NRG3: variants seen among roughly 807,000 people sequenced by gnomAD.
The protein encoded by NRG3 is neuregulin 3.
NRG3 carries 31 observed loss-of-function variants against 66.9 expected under a neutral mutation model. The ratio of observed to expected loss-of-function variants is 0.46; its 90% CI spans 0.35 to 0.63. NRG3 has a LOEUF of 0.63. NRG3 is among the 20% of genes least tolerant of loss of function. The pLI is 0.00. For missense variants in NRG3, 910 were observed against 878.9 expected (o/e 1.04, Z -0.45); for synonymous variants, 393 against 359.4 (o/e 1.09, Z -1.06).
intron 2 of NRG3, among the ~76,000 whole-genome samples, chr10:82,396,815 G>A (rs2086743745): frequency 6.6e-6 from 1 of 152,156 alleles, no homozygotes; most frequent in Non-Finnish European, 1.5e-5. Flanking sequence ...GTGTGTGTGT[G>A]TGCATGTGGT....
chr10:82,642,736 A>C lies in NRG3; in HGVS notation c.954-95841A>C, dbSNP rs368133413. On this transcript the variant is annotated intron_variant, in intron 2 of 8. Transcript: ENST00000372141. ...CAAACAATTGTGAAATGTGAATCTT[A>C]TTTATATTTTAATTTAAACAAAAAG... is the stretch of plus-strand genomic sequence containing the variant. Among the ~76,000 whole-genome samples the C allele has an allele frequency of 2.3e-4, 35 of 152,198 alleles. 2 individuals carry two copies. The highest frequency in any genetic ancestry group is 2.1e-3 in the East Asian group (11 of 5,184).
intron 2 of NRG3, among the ~76,000 whole-genome samples, chr10:82,662,969 G>A (rs2052481730): frequency 6.6e-6 from 1 of 152,092 alleles, no homozygotes; most frequent in African/African-American, 2.4e-5. Flanking sequence ...AAGACAACAT[G>A]GGGTAAAAAG....
chr10:82,526,037 C>T (rs1846660184), intron 2 of NRG3, among the ~76,000 whole-genome samples: 1 of 151,858 alleles, frequency 6.6e-6, no homozygotes, highest in Non-Finnish European at 1.5e-5. Context: ...TAAAACTATG[C>T]AGTAAATTTA....
intron 1 of NRG3, among the ~76,000 whole-genome samples, chr10:82,145,014 TG>T (rs2070142222): frequency 6.6e-6 from 1 of 152,218 alleles, no homozygotes; most frequent in South Asian, 2.1e-4. Flanking sequence ...CCTGTACACA[TG>T]GGGCAGCCAC....
At chr10:82,847,923 G>T (rs532105370) in intron 3 of NRG3, among the ~76,000 whole-genome samples, 11 of 152,232 alleles carry the variant, frequency 7.2e-5, no homozygotes, top group African/African-American at 2.6e-4. Flanking sequence ...GTAAATATTT[G>T]CTAACTTTAA....
intron 4 of NRG3, among the ~76,000 whole-genome samples, chr10:82,872,895 G>T (rs1405912084): frequency 6.6e-6 from 1 of 152,070 alleles, no homozygotes. Context: ...ATTAAAGCAA[G>T]ACTTGCTATT....
intron 2 of NRG3, among the ~76,000 whole-genome samples, chr10:82,408,089 A>AC (rs1564888139): frequency 3.2e-3 from 174 of 54,764 alleles, no homozygotes; most frequent in African/African-American, 4.5e-3. Flanking sequence ...GAGAGACAGA[A>AC]AGAAAGAAAG....
chr10:82,745,419 A>C (rs1372992175), intron 3 of NRG3, among the ~76,000 whole-genome samples: 1 of 152,204 alleles, frequency 6.6e-6, no homozygotes, highest in Non-Finnish European at 1.5e-5. Flanking sequence ...TACAGATGAA[A>C]GAATGTATCT....
At chr10:82,490,232 T>A (rs1252895078) in intron 2 of NRG3, among the ~76,000 whole-genome samples, 2 of 152,296 alleles carry the variant, frequency 1.3e-5, no homozygotes, top group East Asian at 3.9e-4. Context: ...GGTTGGCAGT[T>A]CCTCTACTTC....
chr10:82,956,461 G>T (rs1227328307), intron 5 of NRG3, among the ~76,000 whole-genome samples: 7 of 151,900 alleles, frequency 4.6e-5, no homozygotes, highest in Non-Finnish European at 1.5e-5. Flanking sequence ...GCAGAGGCAG[G>T]CTCAGAATGG....
At chr10:82,957,404 C>T (rs908417282) in intron 5 of NRG3, among the ~76,000 whole-genome samples, 23 of 151,790 alleles carry the variant, frequency 1.5e-4, no homozygotes, top group African/African-American at 4.6e-4. Flanking sequence ...GCTCCACTGA[C>T]GGCACTATCT....
chr10:82,912,121 G>T (rs1384399380), intron 4 of NRG3, among the ~76,000 whole-genome samples: 1 of 152,086 alleles, frequency 6.6e-6, no homozygotes, highest in Non-Finnish European at 1.5e-5. Flanking sequence ...ATGTGAAATT[G>T]AGAAGAATGT....
chr10:82,507,543 C>A (rs563426403), intron 2 of NRG3, among the ~76,000 whole-genome samples: 1 of 152,292 alleles, frequency 6.6e-6, no homozygotes, highest in Admixed American at 6.5e-5. Context: ...AAGCCTGTAG[C>A]TGGAGTGTGT....
intron 1 of NRG3, among the ~76,000 whole-genome samples, chr10:82,210,618 G>A (rs2075349557): frequency 1.3e-5 from 2 of 152,106 alleles, no homozygotes; most frequent in Admixed American, 1.3e-4. Flanking sequence ...GGAGAAAATT[G>A]CTTTCTCACT....
At chr10:82,288,178 A>G (rs115849638) in intron 1 of NRG3, among the ~76,000 whole-genome samples, 2,704 of 152,248 alleles carry the variant, frequency 0.018, 60 homozygotes, top group African/African-American at 0.05. Context: ...ATTCAAATAA[A>G]TTATCTATAG....
At chr10:82,218,425 G>T (rs1183839496) in intron 1 of NRG3, among the ~76,000 whole-genome samples, 1 of 152,152 alleles carries the variant, frequency 6.6e-6, no homozygotes. Context: ...TACTACATTG[G>T]CAGGGACTGT....
At chr10:82,166,031 A>G (rs529898959) in intron 1 of NRG3, among the ~76,000 whole-genome samples, 2 of 150,112 alleles carry the variant, frequency 1.3e-5, no homozygotes, top group African/African-American at 4.9e-5. Flanking sequence ...TTTATTATTA[A>G]TTTTTTTTGT....
Position 82,976,725 on chromosome 10 carries a change from A to G in NRG3, c.1413-2225A>G, listed in dbSNP as rs1852290659. On this transcript the variant is annotated intron_variant, in intron 7 of 8. Transcript: ENST00000372141. ...TGTGGGTTCAGTGTAAGGCACAGGC[A>G]TGAGATAGACGGCAGGGAGGACAGT... Among the ~76,000 whole-genome samples, 6 of 152,118 alleles carry G rather than the reference A, an allele frequency of 3.9e-5. No homozygotes were observed. The South Asian group carries it at 1.2e-3, about 32-fold the overall frequency.
rs140350240 is a variant in NRG3, at chr10:82,761,922, CTCTTTCTTTCTTTCTT to C, written c.1027+23310_1027+23325del. Among the ~76,000 whole-genome samples, 1,008 of 123,840 alleles carry C rather than the reference CTCTTTCTTTCTTTCTT, an allele frequency of 8.1e-3. 6 individuals are homozygous for C. Among genetic ancestry groups the C allele is most frequent in the Middle Eastern group, 0.033 (6 of 180 alleles). 81.2% of individuals were successfully genotyped at this position (123,840 alleles called of 152,430 possible). A position where few individuals can be genotyped will look rare whatever the true frequency, so the allele number is the denominator to read the frequency against. On this transcript the variant is annotated intron_variant, in intron 3 of 8. Coordinates refer to ENST00000372141, the MANE Select transcript of NRG3 (RefSeq NM_001010848.4). ...TCCGTTCTTTCTTCTTTCTTTCTTT[CTCTTTCTTTCTTTCTT>C]TCTTTCTTTCTTTCTTTCTTTCTTT...
Sources: allele counts gnomAD v4.1 joint callset (sites outside exome capture counted in the v4.1 genomes callset), GRCh38; gene constraint gnomAD v4.1.1; transcripts MANE v1.5; gene names NCBI Gene and HGNC (gene_info 2026-07-23, HGNC 2026-07-21).